ATP8A1: variants seen among roughly 807,000 people sequenced by gnomAD.
ATP8A1 encodes the protein ATPase phospholipid transporting 8A1, also known as phospholipid-transporting ATPase IA.
Under a neutral mutation model 177.7 loss-of-function variants are expected in ATP8A1, and 90 were observed. The observed-to-expected ratio is 0.51, with a 90% confidence interval of 0.43 to 0.60. ATP8A1 has a LOEUF of 0.60. Ranked by LOEUF, ATP8A1 falls within the 20% of genes least tolerant of loss-of-function variation. ATP8A1 has a pLI of 0.00. For missense variants in ATP8A1, 1,072 were observed against 1,392.8 expected (o/e 0.77, Z 3.67); for synonymous variants, 493 against 485.9 (o/e 1.01, Z -0.19).
intron 1 of ATP8A1, among the ~76,000 whole-genome samples, chr4:42,636,204 T>C (rs149603940): frequency 3.1e-4 from 47 of 151,110 alleles, no homozygotes; most frequent in African/African-American, 9.5e-4. Flanking sequence ...AAACAATTCT[T>C]GGCTGAATAA....
chr4:42,585,276 C>A (rs1733504095), intron 9 of ATP8A1, among the ~76,000 whole-genome samples: 1 of 151,916 alleles, frequency 6.6e-6, no homozygotes, highest in Admixed American at 6.6e-5. Flanking sequence ...TTTCCCAAAG[C>A]ATTTATCACT....
intron 22 of ATP8A1, among the ~76,000 whole-genome samples, chr4:42,509,751 C>A (rs1724804538): frequency 6.7e-6 from 1 of 148,186 alleles, no homozygotes; most frequent in South Asian, 2.1e-4. Context: ...ACTCGGGAGG[C>A]TGAGGCAGGA....
At chr4:42,520,085 A>G (rs1397813743) in intron 22 of ATP8A1, among the ~76,000 whole-genome samples, 2 of 152,190 alleles carry the variant, frequency 1.3e-5, no homozygotes, top group Non-Finnish European at 2.9e-5. Context: ...CAGTTATTAA[A>G]AGAACAAGAA....
chr4:42,505,006 T>A (rs13148916), intron 23 of ATP8A1, among the ~76,000 whole-genome samples: 45,608 of 152,238 alleles, frequency 0.3, 8,327 homozygotes, highest in East Asian at 0.56. Flanking sequence ...AATAAGTTCT[T>A]CCTGACTGTG....
In ATP8A1 at chr4:42,410,703, A is replaced by G. The variant is rs1486442906; in HGVS notation, c.*2213T>C. 4 of 152,242 alleles carry G rather than the reference A, an allele frequency of 2.6e-5. No homozygotes were observed. Among genetic ancestry groups the G allele is most frequent in the African/African-American group, 9.6e-5 (4 of 41,462 alleles). 9.4% of individuals were successfully genotyped at this position (152,242 alleles called of 1,614,324 possible). On this transcript the variant is annotated 3_prime_UTR_variant, in exon 37 of 37. Transcript: ENST00000381668. ...TTTCAGATCATGTTACACATTATCA[A>G]CCGTAAGTATTCTTCTCATGTTTAA...
chr4:42,409,994 T>G lies in ATP8A1; in HGVS notation c.*2922A>C, dbSNP rs1166264176. On this transcript the variant is annotated 3_prime_UTR_variant, in exon 37 of 37. Transcript: ENST00000381668. ...TAGCAGAATACACATTCACCTGACT[T>G]GATTAGAAAAAGTTTTCCATTAACT... 2.0e-5 allele frequency: 3 copies of G among 152,194 alleles called. No homozygotes were observed. Among genetic ancestry groups the G allele is most frequent in the Non-Finnish European group, 1.5e-5 (1 of 68,008 alleles). 9.4% of individuals were successfully genotyped at this position (152,194 alleles called of 1,614,324 possible).
At chr4:42,637,302 C>T (rs1739495348) in intron 1 of ATP8A1, 2 of 483,286 alleles carry the variant, frequency 4.1e-6, no homozygotes, top group Non-Finnish European at 8.2e-6. Context: ...CCTAAACAAG[C>T]TCTGAGTCCA....
intron 20 of ATP8A1, among the ~76,000 whole-genome samples, chr4:42,529,383 C>T (rs1727024475): frequency 6.6e-6 from 1 of 152,184 alleles, no homozygotes; most frequent in Non-Finnish European, 1.5e-5. Flanking sequence ...GAACATTTGA[C>T]CATGGGTCAT....
chr4:42,496,595 C>T (rs1201460452), intron 24 of ATP8A1, among the ~76,000 whole-genome samples: 1 of 151,924 alleles, frequency 6.6e-6, no homozygotes, highest in Non-Finnish European at 1.5e-5. Flanking sequence ...AATTGTTACC[C>T]AGAACCACAG....
At chr4:42,452,802 G>A (rs4546284) in intron 29 of ATP8A1, among the ~76,000 whole-genome samples, 47,179 of 152,050 alleles carry the variant, frequency 0.31, 7,695 homozygotes, top group Middle Eastern at 0.41. Context: ...TGGCCCCTCT[G>A]AACAGTTGTA....
intron 25 of ATP8A1, among the ~76,000 whole-genome samples, chr4:42,476,573 C>T (rs1038010383): frequency 1.3e-5 from 2 of 150,918 alleles, no homozygotes; most frequent in Admixed American, 6.6e-5. Context: ...CAGCTGAGAT[C>T]GTGCCATCGC....
chr4:42,502,228 A>C (rs1405172692), intron 24 of ATP8A1, among the ~76,000 whole-genome samples: 3 of 152,122 alleles, frequency 2.0e-5, no homozygotes, highest in Non-Finnish European at 4.4e-5. Flanking sequence ...TGAGACTCCT[A>C]CCAATGTTTG....
At chr4:42,562,895 C>G (rs1011091578) in intron 15 of ATP8A1, among the ~76,000 whole-genome samples, 1 of 152,218 alleles carries the variant, frequency 6.6e-6, no homozygotes, top group African/African-American at 2.4e-5. Flanking sequence ...CCACGTGGAA[C>G]TGTAAGTCCA....
intron 33 of ATP8A1, among the ~76,000 whole-genome samples, chr4:42,434,154 G>A (rs1125199): frequency 0.41 from 62,903 of 151,740 alleles, 13,292 homozygotes; most frequent in African/African-American, 0.47. Flanking sequence ...CTTAAAAGTC[G>A]CAGAAAAATG....
chr4:42,630,183 T>C (rs1194526336), intron 1 of ATP8A1, among the ~76,000 whole-genome samples: 1 of 152,198 alleles, frequency 6.6e-6, no homozygotes. Flanking sequence ...GCTGAGCTAT[T>C]AGAATGGTGA....
chr4:42,596,874 G>A (rs879613598), intron 6 of ATP8A1, among the ~76,000 whole-genome samples: 1 of 152,084 alleles, frequency 6.6e-6, no homozygotes, highest in Admixed American at 6.6e-5. Flanking sequence ...AGTGTTAGCT[G>A]CACCTCATTG....
At chr4:42,559,734 G>A (rs917586045) in intron 15 of ATP8A1, among the ~76,000 whole-genome samples, 1 of 152,128 alleles carries the variant, frequency 6.6e-6, no homozygotes, top group Non-Finnish European at 1.5e-5. Flanking sequence ...GGAGTGCAAC[G>A]GCACAGTCTT....
chr4:42,649,579 T>C (rs530639827), intron 1 of ATP8A1, among the ~76,000 whole-genome samples: 1 of 152,338 alleles, frequency 6.6e-6, no homozygotes, highest in Admixed American at 6.5e-5. Context: ...AAGCAGGCAG[T>C]ACTTCTATCA....
intron 16 of ATP8A1, among the ~76,000 whole-genome samples, chr4:42,555,081 GTGTGTATC>G (rs1373174883): frequency 7.1e-6 from 1 of 140,052 alleles, no homozygotes; most frequent in Non-Finnish European, 1.5e-5. Flanking sequence ...TCCCCTTTGT[GTGTGTATC>G]TATCTATCTA....
Sources: allele counts gnomAD v4.1 joint callset (sites outside exome capture counted in the v4.1 genomes callset), GRCh38; gene constraint gnomAD v4.1.1; transcripts MANE v1.5; gene names NCBI Gene and HGNC (gene_info 2026-07-23, HGNC 2026-07-21).